The following ANPEP variants were observed in gnomAD, a reference collection of about 807,000 sequenced individuals.
ANPEP encodes alanyl aminopeptidase, membrane.
In ANPEP, 70 loss-of-function variants were observed where a neutral mutation model predicts 114.6. The observed-to-expected ratio is 0.61, with a 90% CI of 0.50 to 0.75. ANPEP has a LOEUF of 0.75. Among genes scored for constraint, ANPEP ranks in the 30% least tolerant of loss-of-function variants. The pLI is 0.00. For synonymous variants in ANPEP, 548 were observed against 522.3 expected, an observed-to-expected ratio of 1.05 and a Z score of -0.67; for missense variants, 1,184 against 1,259.5, an observed-to-expected ratio of 0.94 and a Z score of 0.91.
intron 20 of ANPEP, among the ~76,000 whole-genome samples, chr15:89,788,966 G>A (rs938741350): frequency 2.0e-5 from 3 of 151,516 alleles, no homozygotes; most frequent in African/African-American, 7.3e-5. Context: ...GAGTTTGATG[G>A]TCCATGAATT....
At chr15:89,813,357 G>A (rs1186022531) in intron 1 of ANPEP, among the ~76,000 whole-genome samples, 1 of 152,208 alleles carries the variant, frequency 6.6e-6, no homozygotes, top group Non-Finnish European at 1.5e-5. Context: ...AAGGCTGTAG[G>A]GGTGTAAGGA....
intron 1 of ANPEP, among the ~76,000 whole-genome samples, chr15:89,810,515 G>T (rs553807173): frequency 6.6e-6 from 1 of 152,132 alleles, no homozygotes; most frequent in African/African-American, 2.4e-5. Flanking sequence ...AGGTTGCAGT[G>T]GGCGGAGATC....
At chr15:89,800,244 C>A (rs1484498958) in intron 12 of ANPEP, among the ~76,000 whole-genome samples, 3 of 152,218 alleles carry the variant, frequency 2.0e-5, no homozygotes, top group Non-Finnish European at 2.9e-5. Flanking sequence ...GCCACATTAG[C>A]CTGTCTGATT....
At position 89,785,450 on chromosome 15, in the gene ANPEP, G is replaced by A. The variant is rs141333670; in HGVS notation, c.2803C>T (p.Arg935Trp). 2,019 of 1,614,096 alleles carry A rather than the reference G, an allele frequency of 1.3e-3. 8 individuals carry two copies. Among genetic ancestry groups the A allele is most frequent in the Non-Finnish European group, 1.2e-3 (1,456 of 1,179,964 alleles). The change falls in exon 21 of 21, where the codon CGG becomes TGG. Residue 935 changes from arginine (R) to tryptophan (W), a missense_variant. Arg to Trp is a moderately radical substitution (Grantham distance 101, BLOSUM62 -3). Transcript: ENST00000300060. ...TTCTCCAGGGCTTGCTCCAGGGCCC[G>A]GGTGCCTGAGCCGAAGCCTGTTTCC... ...NEETGFGSGT[R>W]ALEQALEKTK...
At chr15:89,805,806 G>T (rs575114506) in intron 2 of ANPEP, among the ~76,000 whole-genome samples, 164 bp downstream of exon 2, 3 of 152,238 alleles carry the variant, frequency 2.0e-5, no homozygotes, top group South Asian at 4.1e-4. Context: ...CCAGTTCGGT[G>T]CATTTGCAGC....
At position 89,798,951 on chromosome 15, in the gene ANPEP, C is replaced by A. The variant is rs952220090; in HGVS notation, c.2009+309G>T. Among the ~76,000 whole-genome samples, 9 of 151,948 alleles carry A rather than the reference C, an allele frequency of 5.9e-5. No individual in the cohort carries two copies. In the East Asian group the frequency reaches 1.4e-3, roughly 23 times the overall value. Reference sequence around the variant, plus strand: ...GAGACTCCGTCTCAAAACAAACAAACAAACAAACAAACAAACAAAAACAAA... The same window carrying A: ...GAGACTCCGTCTCAAAACAAACAAAAAAACAAACAAACAAACAAAAACAAA... On this transcript the variant is annotated intron_variant, in intron 14 of 20. Coordinates refer to ENST00000300060, the MANE Select transcript of ANPEP (RefSeq NM_001150.3).
intron 15 of ANPEP, among the ~76,000 whole-genome samples, chr15:89,796,484 C>CTTTTT (rs35626130): frequency 6.7e-6 from 1 of 148,854 alleles, no homozygotes. Flanking sequence ...GATAATTGAA[C>CTTTTT]TTTTTTTTTT....
intron 12 of ANPEP, among the ~76,000 whole-genome samples, chr15:89,800,483 C>T (rs1051989766): frequency 5.3e-5 from 8 of 151,826 alleles, no homozygotes; most frequent in Non-Finnish European, 8.8e-5. Context: ...TTCGCTTCTT[C>T]AGTGCCTTGC....
intron 20 of ANPEP, among the ~76,000 whole-genome samples, chr15:89,788,846 C>T (rs1968561860): frequency 6.6e-6 from 1 of 151,780 alleles, no homozygotes; most frequent in African/African-American, 2.4e-5. Flanking sequence ...TCTCAAACTC[C>T]TGGGTTCAAG....
At chr15:89,809,535 C>A (rs1894782360) in intron 1 of ANPEP, among the ~76,000 whole-genome samples, 1 of 152,180 alleles carries the variant, frequency 6.6e-6, no homozygotes, top group Non-Finnish European at 1.5e-5. Flanking sequence ...CCAGGCCAAC[C>A]CAGGCTGGGG....
chr15:89,787,116 G>A (rs1405283564), intron 20 of ANPEP, among the ~76,000 whole-genome samples: 2 of 138,986 alleles, frequency 1.4e-5, no homozygotes, highest in African/African-American at 5.4e-5. Flanking sequence ...TGCGATCTCA[G>A]CTCACTGCAA....
chr15:89,811,429 G>A (rs1327497945), intron 1 of ANPEP, among the ~76,000 whole-genome samples: 3 of 151,824 alleles, frequency 2.0e-5, no homozygotes, highest in Admixed American at 6.6e-5. Flanking sequence ...GACGGATCAC[G>A]AGGTCAGCAG....
intron 10 of ANPEP, 62 bp from the exon 11 acceptor site, chr15:89,801,669 C>T: frequency 6.4e-7 from 1 of 1,572,012 alleles, no homozygotes; most frequent in Non-Finnish European, 8.7e-7. Flanking sequence ...CCATCCAGGG[C>T]ATCTCCTGCA....
intron 11 of ANPEP, 63 bp from the exon 12 acceptor site, chr15:89,801,250 C>T: frequency 6.3e-7 from 1 of 1,581,840 alleles, no homozygotes; most frequent in African/African-American, 1.3e-5. Context: ...TGAGGAGCAG[C>T]TGCCCAGGCT....
chr15:89,801,003 G>T (rs151068189), intron 12 of ANPEP, 108 bp downstream of exon 12: 2 of 964,802 alleles, frequency 2.1e-6, no homozygotes, highest in Non-Finnish European at 3.2e-6. Flanking sequence ...AACCAAAGAA[G>T]TCAAGTCCAT....
chr15:89,791,239 T>TC, intron 18 of ANPEP, 146 bp from the exon 19 acceptor site: 1 of 896,438 alleles, frequency 1.1e-6, no homozygotes, highest in Non-Finnish European at 1.7e-6. Flanking sequence ...TGGTCCTTCT[T>TC]CCCTCTATAG....
At chr15:89,805,747 C>T (rs921198517) in intron 2 of ANPEP, among the ~76,000 whole-genome samples, 3 of 152,142 alleles carry the variant, frequency 2.0e-5, no homozygotes, top group African/African-American at 4.8e-5. Flanking sequence ...GTCCAAGGGA[C>T]GCTCTGTCCC....
rs1251102969 is a variant in ANPEP at position 89,801,130 on chromosome 15, G to A, written c.1800C>T (p.Tyr600=). ...GATTACCTCTTACATCTATCAGCCA[G>A]TAGTCCTGCTGCTGTCTGCCATCTC... ...SIRDGRQQQD[Y]WLIDVRAQND... The change falls in exon 12 of 21, where the codon TAC becomes TAT. Residue 600 remains tyrosine, a synonymous_variant. Transcript: ENST00000300060. 1 of 1,614,058 alleles carries A rather than the reference G, an allele frequency of 6.2e-7. No homozygotes were observed. The highest frequency in any genetic ancestry group is 2.2e-5 in the East Asian group (1 of 44,900).
chr15:89,801,324 G>T, intron 11 of ANPEP, 111 bp downstream of exon 11: 1 of 1,545,594 alleles, frequency 6.5e-7, no homozygotes, highest in Non-Finnish European at 8.9e-7. Flanking sequence ...GGGAGGGTCT[G>T]TCTACAGTGG....
Sources: gnomAD v4.1 joint callset for allele counts (sites outside exome capture counted in the v4.1 genomes callset) on GRCh38, gnomAD v4.1.1 for gene constraint, MANE v1.5 for transcripts, NCBI Gene and HGNC (gene_info 2026-07-23, HGNC 2026-07-21) for gene names.